The following PARVB variants were observed in gnomAD, a reference collection of about 807,000 sequenced individuals.
PARVB encodes parvin beta.
Under a neutral mutation model 47.0 loss-of-function variants are expected in PARVB, and 46 were observed. The ratio of observed to expected loss-of-function variants is 0.98; its 90% CI spans 0.77 to 1.25. The LOEUF (loss-of-function observed/expected upper bound fraction) is 1.25, where lower values mean the gene tolerates loss of function less well. Ranked by LOEUF, PARVB falls within the 50% of genes most tolerant of loss-of-function variation. The probability of loss-of-function intolerance (pLI) is 0.00; values close to 1 mark genes in which losing one functional copy is unlikely to be tolerated. For synonymous variants in PARVB, 196 were observed against 196.3 expected, an observed-to-expected ratio of 1.00 and a Z score of 0.01; for missense variants, 473 against 471.6, an observed-to-expected ratio of 1.00 and a Z score of -0.03.
intron 1 of PARVB, among the ~76,000 whole-genome samples, chr22:44,062,330 T>G (rs1010534144): frequency 1.3e-5 from 2 of 152,098 alleles, no homozygotes; most frequent in Non-Finnish European, 2.9e-5. Flanking sequence ...TTTGATTAAT[T>G]TGCTGGGACT....
chr22:44,069,138 G>A, intron 1 of PARVB: 1 of 1,612,594 alleles, frequency 6.2e-7, no homozygotes, highest in Non-Finnish European at 8.5e-7. Context: ...CTGCAGAGCT[G>A]CCGCCAGCTG....
chr22:44,150,448 G>A (rs2053778751), intron 9 of PARVB: 1 of 152,128 alleles, frequency 6.6e-6, no homozygotes. Flanking sequence ...AAAGTGGGTG[G>A]ATCACCTGAG....
At chr22:44,048,546 A>AT (rs1043131749) in intron 1 of PARVB, among the ~76,000 whole-genome samples, 42 of 151,166 alleles carry the variant, frequency 2.8e-4, no homozygotes, top group African/African-American at 8.0e-4. Context: ...TAATTTTTAT[A>AT]TTTTTTAATT....
At chr22:44,036,726 G>T (rs2050929231) in intron 1 of PARVB, among the ~76,000 whole-genome samples, 2 of 152,146 alleles carry the variant, frequency 1.3e-5, no homozygotes, top group African/African-American at 4.8e-5. Context: ...CCATTTCTCT[G>T]CGAGGCTGAG....
chr22:44,148,038 C>T, intron 9 of PARVB, 116 bp downstream of exon 9: 1 of 823,178 alleles, frequency 1.2e-6, no homozygotes, highest in South Asian at 1.5e-5. Context: ...AAATGTTTGC[C>T]ACATGGATTG....
Position 44,119,107 on chromosome 22 carries a change from C to T in PARVB, c.343C>T (p.Leu115=), listed in dbSNP as rs767348088. Residue 115 remains leucine (L), a synonymous_variant, in exon 4 of 13, where the codon CTG becomes TTG. Transcript: ENST00000338758. The stretch of plus-strand genomic sequence containing the variant: ...CATTGTGAAGCAGCTGGAGGAAGAC[C>T]TGTATGACGGCCAGGTGCTGCAGAA... The part of the protein sequence containing the change: ...RIIVKQLEED[L]YDGQVLQKLL... The T allele has an allele frequency of 6.2e-7, 1 of 1,613,990 alleles. No homozygotes were observed. Among genetic ancestry groups the T allele is most frequent in the Non-Finnish European group, 8.5e-7 (1 of 1,179,866 alleles).
At chr22:44,075,350 T>C (rs764763037) in intron 1 of PARVB, among the ~76,000 whole-genome samples, 31 of 152,138 alleles carry the variant, frequency 2.0e-4, no homozygotes, top group Non-Finnish European at 3.4e-4. Flanking sequence ...CAGAATTGAG[T>C]GGAAGGTGCA....
Position 44,132,959 on chromosome 22 carries a change from G to GC in PARVB, c.588dup (p.Ile197HisfsTer5). 6.2e-7 allele frequency: 1 copy of GC among 1,614,054 alleles called. No homozygotes were observed. Among genetic ancestry groups the GC allele is most frequent in the Non-Finnish European group, 8.5e-7 (1 of 1,179,992 alleles). On this transcript the variant is annotated frameshift_variant, in exon 6 of 13. Transcript: ENST00000338758. LOFTEE classifies it high-confidence loss of function. ...GGTCTCTCTGGCCATGCACTTCAGG[G>GC]CCCCCATCCGCCTTCCTGAGCATGT...
intron 1 of PARVB, among the ~76,000 whole-genome samples, chr22:44,065,334 G>GT (rs1031307056): frequency 1.3e-5 from 2 of 152,124 alleles, no homozygotes; most frequent in East Asian, 3.9e-4. Context: ...TTTATTTTCT[G>GT]TTTTTTTAGA....
At chr22:44,061,594 T>G (rs2051421262) in intron 1 of PARVB, among the ~76,000 whole-genome samples, 1 of 151,958 alleles carries the variant, frequency 6.6e-6, no homozygotes, top group Non-Finnish European at 1.5e-5. Context: ...GTGTTTGACC[T>G]CAGGTGGGGA....
intron 1 of PARVB, among the ~76,000 whole-genome samples, chr22:44,051,965 C>T (rs2051217461): frequency 6.6e-6 from 1 of 152,144 alleles, no homozygotes; most frequent in Non-Finnish European, 1.5e-5. Context: ...TGGCCACCAC[C>T]AGAAACTGGG....
intron 2 of PARVB, among the ~76,000 whole-genome samples, chr22:44,012,127 T>G (rs1375347114): frequency 1.3e-5 from 2 of 152,200 alleles, no homozygotes; most frequent in African/African-American, 2.4e-5. Flanking sequence ...TGGGGGACTT[T>G]CCCAGTTTTC....
intron 3 of PARVB, chr22:44,106,569 T>C (rs1194485754): frequency 2.0e-5 from 3 of 152,126 alleles, no homozygotes; most frequent in African/African-American, 7.2e-5. Flanking sequence ...TGTGGTGGTG[T>C]GGCCATTGCT....
At chr22:44,146,349 T>TCA (rs372580407) in intron 8 of PARVB, 1,417 of 104,504 alleles carry the variant, frequency 0.014, 13 homozygotes, top group Admixed American at 0.018. Context: ...ACACAGGTGC[T>TCA]CACACACACA....
intron 3 of PARVB, chr22:44,108,255 C>T (rs2052613292): frequency 6.6e-6 from 1 of 152,132 alleles, no homozygotes; most frequent in South Asian, 2.1e-4. Flanking sequence ...TGTGTTCTGC[C>T]AAATCACTGA....
At chr22:44,002,710 A>C (rs1032809713) in intron 2 of PARVB, among the ~76,000 whole-genome samples, 1 of 152,186 alleles carries the variant, frequency 6.6e-6, no homozygotes, top group Non-Finnish European at 1.5e-5. Flanking sequence ...ACATTTACAC[A>C]TACAGATTTC....
intron 1 of PARVB, among the ~76,000 whole-genome samples, chr22:44,043,981 C>A (rs1456358218): frequency 1.3e-5 from 2 of 152,122 alleles, no homozygotes; most frequent in Admixed American, 6.6e-5. Flanking sequence ...GGGCTTGGTG[C>A]TGTACGCAGA....
intron 6 of PARVB, among the ~76,000 whole-genome samples, chr22:44,133,259 A>G (rs571053939): frequency 6.6e-6 from 1 of 152,302 alleles, no homozygotes; most frequent in Admixed American, 6.5e-5. Context: ...CACATTTTTG[A>G]AAAGAACATT....
At chr22:44,081,435 C>T (rs1467087829) in intron 1 of PARVB, among the ~76,000 whole-genome samples, 2 of 152,282 alleles carry the variant, frequency 1.3e-5, no homozygotes, top group African/African-American at 4.8e-5. Context: ...CATAGTAAAG[C>T]CTTTCTTTTT....
Sources: gnomAD v4.1 joint callset for allele counts (sites outside exome capture counted in the v4.1 genomes callset) on GRCh38, gnomAD v4.1.1 for gene constraint, MANE v1.5 for transcripts, NCBI Gene and HGNC (gene_info 2026-07-23, HGNC 2026-07-21) for gene names.